Variants in FAT4 observed in about 807,000 individuals in gnomAD.
The protein encoded by FAT4 is protocadherin Fat 4.
In FAT4, 84 loss-of-function variants were observed where a neutral mutation model predicts 303.9. The observed-to-expected ratio is 0.28, with a 90% CI of 0.23 to 0.33. The LOEUF (loss-of-function observed/expected upper bound fraction) is 0.33, where lower values mean the gene tolerates loss of function less well. FAT4 is among the 10% of genes least tolerant of loss of function. FAT4 has a pLI of 1.00. For synonymous variants in FAT4, 2,307 were observed against 2,298.8 expected (o/e 1.00, Z -0.10); for missense variants, 6,005 against 6,146.8 (o/e 0.98, Z 0.77).
chr4:125,435,913 A>G (rs1189470904), intron 8 of FAT4, among the ~76,000 whole-genome samples: 1 of 152,164 alleles, frequency 6.6e-6, no homozygotes, highest in South Asian at 2.1e-4. Context: ...ACTAATTAAT[A>G]TAGTTATCCA....
rs746338606 is a variant in FAT4, at chr4:125,317,861, C to A, written c.1450C>A (p.Leu484Met). 2 of 1,614,144 alleles carry A rather than the reference C, an allele frequency of 1.2e-6. No homozygotes were observed. Among genetic ancestry groups the A allele is most frequent in the Non-Finnish European group, 8.5e-7 (1 of 1,180,024 alleles). The change falls in exon 2 of 18, where the codon CTG becomes ATG. Residue 484 changes from leucine (L) to methionine (M), a missense_variant. Physicochemically the swap from Leu to Met is conservative, Grantham distance 15 (BLOSUM62 2). Transcript: ENST00000394329. This position sits in a 1 kb window ranked among gnomAD's most constrained non-coding sequence, Gnocchi z 7.0. Reference protein sequence around the residue: ...VFSQQVYRVNLSEEAPPGSYV... With the variant: ...VFSQQVYRVNMSEEAPPGSYV... ...TTCACAGCAAGTGTACAGAGTGAAC[C>A]TGAGCGAGGAGGCGCCTCCGGGAAG...
chr4:125,438,702 T>G (rs1168322878), intron 8 of FAT4, among the ~76,000 whole-genome samples: 1 of 152,188 alleles, frequency 6.6e-6, no homozygotes, highest in East Asian at 1.9e-4. Flanking sequence ...ACAGACAAAG[T>G]AAATAGTTAT....
intron 11 of FAT4, among the ~76,000 whole-genome samples, chr4:125,464,826 G>A (rs1425099988): frequency 1.3e-5 from 2 of 152,060 alleles, no homozygotes; most frequent in South Asian, 4.1e-4. Flanking sequence ...CTTCATCTAT[G>A]TCTCTTTTCT....
In FAT4 at chr4:125,490,367, C is replaced by T. The variant is rs779726515; in HGVS notation, c.13551C>T (p.Val4517=). 1 of 1,614,120 alleles carries T rather than the reference C, an allele frequency of 6.2e-7. No homozygotes were observed. The highest frequency in any genetic ancestry group is 1.1e-5 in the South Asian group (1 of 91,084). ...CCATCGTGGGCAGCTGCGCAACCGT[C>T]TTGGCCCTCCTGGTCCTTAGCCTGA... ...VPAIVGSCAT[V]LALLVLSLIL... Residue 4517 remains valine, a synonymous_variant, in exon 18 of 18, where the codon GTC becomes GTT. Coordinates refer to ENST00000394329, the MANE Select transcript of FAT4 (RefSeq NM_001291303.3).
At chr4:125,478,655 G>A (rs1431504876) in intron 14 of FAT4, among the ~76,000 whole-genome samples, 1 of 151,776 alleles carries the variant, frequency 6.6e-6, no homozygotes, top group African/African-American at 2.4e-5. Context: ...CTCAGCCTCC[G>A]GAGTAGCTGG....
chr4:125,358,684 T>C (rs1351474943), intron 2 of FAT4, among the ~76,000 whole-genome samples: 1 of 152,136 alleles, frequency 6.6e-6, no homozygotes, highest in Non-Finnish European at 1.5e-5. Flanking sequence ...CCTTGCTCAC[T>C]GCTCACCGCT....
At position 125,414,955 on chromosome 4, in the gene FAT4, G is replaced by C; in HGVS notation, c.5992G>C (p.Gly1998Arg). The change falls in exon 6 of 18, where the codon GGT becomes CGT. Residue 1998 changes from glycine (G) to arginine (R), a missense_variant. Transcript: ENST00000394329. ...TGGGCAGTTTACTGTTGACAAGAAT[G>C]GTGTACTCAAAGTCCTAAAAGCTTT... ...SLGQFTVDKN[G>R]VLKVLKALDR... The C allele has an allele frequency of 1.2e-6, 2 of 1,613,826 alleles. No individual in the cohort carries two copies. Among genetic ancestry groups the C allele is most frequent in the Non-Finnish European group, 1.7e-6 (2 of 1,179,812 alleles).
At position 125,448,838 on chromosome 4, in the gene FAT4, C is replaced by G. The variant is rs1725925117; in HGVS notation, c.7828C>G (p.Leu2610Val). 1 of 1,608,282 alleles carries G rather than the reference C, an allele frequency of 6.2e-7. No individual in the cohort carries two copies. Among genetic ancestry groups the G allele is most frequent in the East Asian group, 2.2e-5 (1 of 44,790 alleles). The change falls in exon 10 of 18, where the codon CTT (leucine) becomes GTT (valine). Residue 2610 changes from leucine (L) to valine (V), a missense_variant. Coordinates refer to ENST00000394329, the MANE Select transcript of FAT4 (RefSeq NM_001291303.3). Reference sequence around the variant, plus strand: ...GTCATATTATATCGCAAGTGGGAATCTTGGCAATACTTTCCAGATTGATCA... The same window carrying G: ...GTCATATTATATCGCAAGTGGGAATGTTGGCAATACTTTCCAGATTGATCA... ...PMSYYIASGN[L>V]GNTFQIDQLT...
At position 125,448,601 on chromosome 4, in the gene FAT4, A is replaced by G. The variant is rs374078690; in HGVS notation, c.7591A>G (p.Asn2531Asp). 1.5e-5 allele frequency: 25 copies of G among 1,613,838 alleles called. No homozygotes were observed. The highest frequency in any genetic ancestry group is 1.9e-5 in the Non-Finnish European group (23 of 1,179,914). ...AGCCATTATGGCCGCCGGACCACTA[A>G]ACGGAGCTTCAGAAGTGACATTTTC... ...RGAIMAAGPL[N>D]GASEVTFSVH... Residue 2531 changes from asparagine (N) to aspartate (D), a missense_variant, in exon 10 of 18, where the codon AAC becomes GAC. Transcript: ENST00000394329.
At chr4:125,431,229 A>G (rs1424991769) in intron 7 of FAT4, among the ~76,000 whole-genome samples, 1 of 152,202 alleles carries the variant, frequency 6.6e-6, no homozygotes, top group African/African-American at 2.4e-5. Flanking sequence ...CTAATTGTGA[A>G]TTACAGCACA....
At chr4:125,322,464 T>C (rs546700356) in intron 2 of FAT4, among the ~76,000 whole-genome samples, 57 of 152,266 alleles carry the variant, frequency 3.7e-4, no homozygotes, top group Non-Finnish European at 7.1e-4. Context: ...GTTATTTTGA[T>C]AATCAACTAG....
intron 3 of FAT4, among the ~76,000 whole-genome samples, chr4:125,403,051 G>A (rs1509302): frequency 1.4e-3 from 206 of 152,060 alleles, no homozygotes; most frequent in African/African-American, 4.6e-3. Flanking sequence ...ATTTGCAGAA[G>A]TCTAAGTCAT....
rs910859829 is a variant in FAT4, at chr4:125,451,731, T to C, written c.10721T>C (p.Ile3574Thr). The C allele has an allele frequency of 4.3e-6, 7 of 1,614,184 alleles. No individual in the cohort carries two copies. Among genetic ancestry groups the C allele is most frequent in the South Asian group, 2.2e-5 (2 of 91,080 alleles). Residue 3574 changes from isoleucine to threonine, a missense_variant, in exon 10 of 18, where the codon ATT (isoleucine) becomes ACT (threonine). By Grantham distance (89) the Ile-to-Thr change is moderately conservative. Transcript: ENST00000394329. The stretch of plus-strand genomic sequence containing the variant: ...GGAGTTCTGAGCACAACCAGAGAGA[T>C]TGACAGAGAGCAGATTGCAGACTTC... ...TAGVLSTTRE[I>T]DREQIADFYL...
chr4:125,389,506 A>G (rs1156236982), intron 2 of FAT4, among the ~76,000 whole-genome samples: 1 of 152,128 alleles, frequency 6.6e-6, no homozygotes, highest in Non-Finnish European at 1.5e-5. Flanking sequence ...TTACTTTATG[A>G]TAATTTCTGA....
intron 2 of FAT4, among the ~76,000 whole-genome samples, chr4:125,373,183 A>G (rs1462356050): frequency 1.3e-5 from 2 of 152,172 alleles, no homozygotes; most frequent in Admixed American, 1.3e-4. Context: ...TAAAAGTTAG[A>G]GGATGATTTG....
chr4:125,455,263 C>G (rs1274220766), intron 10 of FAT4, among the ~76,000 whole-genome samples: 1 of 152,184 alleles, frequency 6.6e-6, no homozygotes, highest in African/African-American at 2.4e-5. Context: ...GAAAGTACTA[C>G]TGGTGTGAAC....
In FAT4 at chr4:125,337,191, A is replaced by G. The variant is rs112770048; in HGVS notation, c.5175+15605A>G. Among the ~76,000 whole-genome samples, 1,366 of 152,180 alleles carry G rather than the reference A, an allele frequency of 9.0e-3. 23 individuals carry two copies. Among genetic ancestry groups the G allele is most frequent in the African/African-American group, 0.031 (1,303 of 41,564 alleles). The stretch of plus-strand genomic sequence containing the variant: ...ATACGAAGTATTTGAATGCTGATCT[A>G]TATCATAACTAGATCTTTCTTTTTT... On this transcript the variant is annotated intron_variant, in intron 2 of 17. Coordinates refer to ENST00000394329, the MANE Select transcript of FAT4 (RefSeq NM_001291303.3).
At chr4:125,422,117 A>G (rs897950137) in intron 7 of FAT4, among the ~76,000 whole-genome samples, 1 of 152,168 alleles carries the variant, frequency 6.6e-6, no homozygotes, top group African/African-American at 2.4e-5. Context: ...GGAATCAGTA[A>G]TTTCAATATT....
At position 125,414,961 on chromosome 4, in the gene FAT4, C is replaced by T; in HGVS notation, c.5998C>T (p.Leu2000Phe). The T allele has an allele frequency of 1.9e-6, 3 of 1,613,860 alleles. No homozygotes were observed. The highest frequency in any genetic ancestry group is 2.5e-6 in the Non-Finnish European group (3 of 1,179,842). Reference sequence around the variant, plus strand: ...GTTTACTGTTGACAAGAATGGTGTACTCAAAGTCCTAAAAGCTTTGGATCG... The same window carrying T: ...GTTTACTGTTGACAAGAATGGTGTATTCAAAGTCCTAAAAGCTTTGGATCG... The part of the protein sequence containing the change: ...GQFTVDKNGV[L>F]KVLKALDRES... Residue 2000 changes from leucine to phenylalanine, a missense_variant, in exon 6 of 18, where the codon CTC (leucine) becomes TTC (phenylalanine). Physicochemically the swap from Leu to Phe is conservative, Grantham distance 22. Transcript: ENST00000394329.
Sources: gnomAD v4.1 joint callset for allele counts (sites outside exome capture counted in the v4.1 genomes callset) on GRCh38, gnomAD v4.1.1 for gene constraint, Gnocchi (gnomAD v3.1) non-coding constraint, MANE v1.5 for transcripts, NCBI Gene and HGNC (gene_info 2026-07-23, HGNC 2026-07-21) for gene names.